Variants in LRP1B observed in about 807,000 individuals in gnomAD.
The protein encoded by LRP1B is low-density lipoprotein receptor-related protein 1B.
A neutral mutation model predicts 556.6 loss-of-function variants in LRP1B; 217 were observed. The ratio of observed to expected loss-of-function variants is 0.39; its 90% confidence interval spans 0.35 to 0.44. The LOEUF is 0.44. Ranked by LOEUF, LRP1B falls within the 20% of genes least tolerant of loss-of-function variation. The pLI, the probability that LRP1B is intolerant of heterozygous loss-of-function variation, is 1.00. For missense variants in LRP1B, 5,053 were observed against 5,620.8 expected, an observed-to-expected ratio of 0.90 and a Z score of 3.23; for synonymous variants, 2,047 against 1,865.8, an observed-to-expected ratio of 1.10 and a Z score of -2.50.
chr2:141,693,033 T>C (rs1263803853), intron 2 of LRP1B, among the ~76,000 whole-genome samples: 3 of 152,010 alleles, frequency 2.0e-5, no homozygotes, highest in Admixed American at 2.0e-4. Flanking sequence ...AGAAGAGCAC[T>C]TAACCAAGTA....
intron 6 of LRP1B, among the ~76,000 whole-genome samples, chr2:141,197,727 C>T (rs1681815806): frequency 6.6e-6 from 1 of 152,050 alleles, no homozygotes; most frequent in Non-Finnish European, 1.5e-5. Flanking sequence ...AATATGGTAA[C>T]TTCAAAGAGT....
chr2:141,881,385 A>G (rs888194194), intron 1 of LRP1B, among the ~76,000 whole-genome samples: 1 of 152,136 alleles, frequency 6.6e-6, no homozygotes, highest in African/African-American at 2.4e-5. Flanking sequence ...AAATCTTGGC[A>G]TCTTAGATAA....
intron 29 of LRP1B, among the ~76,000 whole-genome samples, chr2:140,845,934 T>C (rs1052282938): frequency 1.3e-5 from 2 of 152,118 alleles, no homozygotes; most frequent in Non-Finnish European, 2.9e-5. Context: ...TTACAAATTA[T>C]AGAGTACAAA....
intron 86 of LRP1B, among the ~76,000 whole-genome samples, chr2:140,263,077 CCAT>C (rs908656388): frequency 5.3e-5 from 8 of 152,074 alleles, no homozygotes; most frequent in African/African-American, 1.9e-4. Context: ...GCGCACACCA[CCAT>C]GCCTGGTTAA....
At chr2:141,199,543 G>T (rs78857228) in intron 6 of LRP1B, among the ~76,000 whole-genome samples, 5,040 of 152,044 alleles carry the variant, frequency 0.033, 115 homozygotes, top group Middle Eastern at 0.071. Context: ...TATTGTCTTT[G>T]CTCACTCTAC....
At chr2:141,443,765 A>G (rs906785256) in intron 3 of LRP1B, among the ~76,000 whole-genome samples, 2 of 151,996 alleles carry the variant, frequency 1.3e-5, no homozygotes, top group African/African-American at 4.8e-5. Context: ...TTCTGAGGCC[A>G]CTGCTGTGTT....
chr2:140,820,859 C>T (rs529930642), intron 31 of LRP1B, among the ~76,000 whole-genome samples: 9 of 149,860 alleles, frequency 6.0e-5, no homozygotes, highest in African/African-American at 1.7e-4. Context: ...TTTATGCCTG[C>T]TTTTCTTTTC....
chr2:141,471,282 T>TTTTTTTTTTG (rs1559089463), intron 3 of LRP1B, among the ~76,000 whole-genome samples: 12 of 113,828 alleles, frequency 1.1e-4, no homozygotes, highest in South Asian at 3.3e-4. Context: ...TTTTTTTTTT[T>TTTTTTTTTTG]TTTTTTTTTT....
chr2:140,256,896 A>T (rs1681720384), intron 86 of LRP1B, among the ~76,000 whole-genome samples: 1 of 151,912 alleles, frequency 6.6e-6, no homozygotes, highest in Non-Finnish European at 1.5e-5. Context: ...CTGATAAATA[A>T]TATTATGAAT....
At chr2:142,116,019 G>A (rs1707259805) in intron 1 of LRP1B, among the ~76,000 whole-genome samples, 1 of 142,896 alleles carries the variant, frequency 7.0e-6, no homozygotes, top group Non-Finnish European at 1.5e-5. Context: ...GAGTGTGGGA[G>A]CAGGCGGCCA....
rs76681986 is a variant in LRP1B at position 140,380,439 on chromosome 2, T to C, written c.10532-2153A>G. ...CTCATTTGCTGTTATCACCATTCCA[T>C]ACTGAAGCCATTTCGCCCTCCTGGT... On this transcript the variant is annotated intron_variant, in intron 67 of 90. Coordinates refer to ENST00000389484, the MANE Select transcript of LRP1B (RefSeq NM_018557.3). 2.0e-3 allele frequency among the ~76,000 whole-genome samples: 298 copies of C among 152,310 alleles called. 5 individuals carry two copies. The highest frequency in any genetic ancestry group is 6.8e-3 in the Middle Eastern group (2 of 294).
At chr2:142,125,462 G>A (rs1261688963) in intron 1 of LRP1B, among the ~76,000 whole-genome samples, 4 of 151,752 alleles carry the variant, frequency 2.6e-5, no homozygotes, top group Non-Finnish European at 4.4e-5. Context: ...CACTCATTCT[G>A]TGCCAGTGGA....
At chr2:142,003,206 A>C (rs1432952508) in intron 1 of LRP1B, among the ~76,000 whole-genome samples, 1 of 152,246 alleles carries the variant, frequency 6.6e-6, no homozygotes, top group Non-Finnish European at 1.5e-5. Context: ...CTGAACACTT[A>C]CCATATGCAA....
intron 77 of LRP1B, 44 bp downstream of exon 77, chr2:140,350,753 G>T (rs2105115125): frequency 5.1e-6 from 8 of 1,566,930 alleles, no homozygotes; most frequent in Non-Finnish European, 6.0e-6. Flanking sequence ...AAAGCAGGTG[G>T]GGAAAAGGTA....
At chr2:141,993,547 A>G (rs11695107) in intron 1 of LRP1B, among the ~76,000 whole-genome samples, 29,250 of 152,152 alleles carry the variant, frequency 0.19, 3,218 homozygotes, top group South Asian at 0.29. Context: ...TCTGAAGCTG[A>G]TATCACATGG....
At chr2:141,016,420 T>C (rs755754395) in intron 12 of LRP1B, among the ~76,000 whole-genome samples, 9 of 152,096 alleles carry the variant, frequency 5.9e-5, no homozygotes, top group Non-Finnish European at 1.2e-4. Context: ...ACTGACTTTG[T>C]TCTAAAGGGC....
intron 18 of LRP1B, among the ~76,000 whole-genome samples, chr2:140,959,869 T>A (rs1695981741): frequency 6.6e-6 from 1 of 151,670 alleles, no homozygotes; most frequent in Non-Finnish European, 1.5e-5. Context: ...TTTCATTGTT[T>A]TTCTCTCATT....
At chr2:141,368,222 T>C (rs1689113052) in intron 3 of LRP1B, among the ~76,000 whole-genome samples, 1 of 152,182 alleles carries the variant, frequency 6.6e-6, no homozygotes, top group South Asian at 2.1e-4. Context: ...TAAGCTACTA[T>C]CAAGGTCTCC....
intron 2 of LRP1B, among the ~76,000 whole-genome samples, chr2:141,612,199 T>C (rs1235321803): frequency 2.0e-5 from 3 of 152,218 alleles, no homozygotes; most frequent in African/African-American, 2.4e-5. Context: ...AGTCTGACTA[T>C]GGATCAGAAG....
Sources: gnomAD v4.1 joint callset for allele counts (sites outside exome capture counted in the v4.1 genomes callset) on GRCh38, gnomAD v4.1.1 for gene constraint, MANE v1.5 for transcripts, NCBI Gene and HGNC (gene_info 2026-07-23, HGNC 2026-07-21) for gene names.